Variants in ASPSCR1 observed in about 807,000 individuals in gnomAD.
The protein encoded by ASPSCR1 is tether containing UBX domain for GLUT4.
In ASPSCR1, 55 loss-of-function variants were observed where a neutral mutation model predicts 68.9. That is an observed-to-expected ratio of 0.80 (90% CI 0.64 to 1.00). The LOEUF (loss-of-function observed/expected upper bound fraction) is 1.00. Among genes scored for constraint, ASPSCR1 ranks in the 50% least tolerant of loss-of-function variants. ASPSCR1 has a pLI of 0.00. For missense variants in ASPSCR1, 765 were observed against 762.2 expected (o/e 1.00, Z -0.04); for synonymous variants, 352 against 332.6 (o/e 1.06, Z -0.63).
intron 7 of ASPSCR1, among the ~76,000 whole-genome samples, chr17:82,002,792 A>C (rs980205416): frequency 6.6e-6 from 1 of 152,162 alleles, no homozygotes; most frequent in Non-Finnish European, 1.5e-5. Flanking sequence ...TCCTGACCTC[A>C]GGTGATCTGC....
chr17:81,977,827 C>CCA lies in ASPSCR1; in HGVS notation c.102+80_102+81insAC, dbSNP rs1376889611. Reference sequence around the variant, plus strand: ...AGGCCCCGCCCATTGCGGTCGGCGTCCCGGTGTTCGGGGGCGGGGCCTCGG... The same window carrying CCA: ...AGGCCCCGCCCATTGCGGTCGGCGTCCACCGGTGTTCGGGGGCGGGGCCTCGG... On this transcript the variant is annotated intron_variant, in intron 1 of 15. Transcript: ENST00000306739. The surrounding 1 kb of genome is among the most constrained non-coding windows in gnomAD (Gnocchi z 5.0). 1 of 1,103,534 alleles carries CCA rather than the reference C, an allele frequency of 9.1e-7. No homozygotes were observed. Among genetic ancestry groups the CCA allele is most frequent in the African/African-American group, 1.6e-5 (1 of 60,790 alleles). The allele number at this position is 1,103,534 out of a possible 1,614,324, so 68.4% of individuals were successfully genotyped here.
At chr17:82,008,986 C>T (rs780883351) in intron 7 of ASPSCR1, 51 bp from the exon 8 acceptor site, 87 of 1,440,140 alleles carry the variant, frequency 6.0e-5, no homozygotes, top group African/African-American at 8.7e-5. Context: ...GCCCGGGGTG[C>T]GGAGGGCCCA....
chr17:81,979,338 A>G, intron 2 of ASPSCR1, 99 bp downstream of exon 2: 1 of 1,347,090 alleles, frequency 7.4e-7, no homozygotes, highest in South Asian at 1.2e-5. Flanking sequence ...AGGTGGTTTT[A>G]AACAGTCATA....
At chr17:82,009,284 G>T in intron 8 of ASPSCR1, 93 bp downstream of exon 8, 1 of 1,465,644 alleles carries the variant, frequency 6.8e-7, no homozygotes, top group Non-Finnish European at 9.1e-7. Flanking sequence ...GCCAGCACTG[G>T]CTCCCGGCCC....
intron 12 of ASPSCR1, 51 bp from the exon 13 acceptor site, chr17:82,016,425 G>A: frequency 1.3e-6 from 2 of 1,497,668 alleles, no homozygotes; most frequent in Non-Finnish European, 1.8e-6. Context: ...CTTCACAGCA[G>A]GGGGGTGCTC....
At position 81,999,559 on chromosome 17, in the gene ASPSCR1, G is replaced by A. The variant is rs1167824801; in HGVS notation, c.933+2713G>A. Among the ~76,000 whole-genome samples, 1 of 151,792 alleles carries A rather than the reference G, an allele frequency of 6.6e-6. No individual in the cohort carries two copies. The highest frequency in any genetic ancestry group is 6.6e-5 in the Admixed American group (1 of 15,230). On this transcript the variant is annotated intron_variant, in intron 7 of 15. Transcript: ENST00000306739. This position sits in a 1 kb window ranked among gnomAD's most constrained non-coding sequence, Gnocchi z 4.4. ...GGAGAATCTCTTGAACCCGGGAGGCGGAGGTTGCAGTGAGCCGAGATCGTG... is the reference window on the plus strand; with the variant it reads ...GGAGAATCTCTTGAACCCGGGAGGCAGAGGTTGCAGTGAGCCGAGATCGTG...
At chr17:82,012,082 A>G (rs1241663871) in intron 11 of ASPSCR1, 149 bp from the exon 12 acceptor site, 6 of 966,372 alleles carry the variant, frequency 6.2e-6, no homozygotes, top group Admixed American at 5.9e-5. Flanking sequence ...GAGTTTCTGC[A>G]GCAGGAGTGT....
At chr17:81,981,814 A>G (rs1478281963) in intron 2 of ASPSCR1, among the ~76,000 whole-genome samples, 55 of 150,456 alleles carry the variant, frequency 3.7e-4, no homozygotes, top group Admixed American at 3.6e-3. Flanking sequence ...AATTACAGGC[A>G]CGTGCCACGC....
intron 11 of ASPSCR1, 102 bp from the exon 12 acceptor site, chr17:82,012,129 C>A: frequency 7.4e-7 from 1 of 1,354,970 alleles, no homozygotes; most frequent in Non-Finnish European, 1.1e-6. Context: ...TCTTCTGCCC[C>A]ACTTGAGGCG....
chr17:81,987,550 G>A lies in ASPSCR1; in HGVS notation c.374+1943G>A, dbSNP rs1020096979. Among the ~76,000 whole-genome samples, 1 of 152,214 alleles carries A rather than the reference G, an allele frequency of 6.6e-6. No homozygotes were observed. Among genetic ancestry groups the A allele is most frequent in the Admixed American group, 6.5e-5 (1 of 15,286 alleles). On this transcript the variant is annotated intron_variant, in intron 4 of 15. Coordinates refer to ENST00000306739, the MANE Select transcript of ASPSCR1 (RefSeq NM_024083.4). This position sits in a 1 kb window ranked among gnomAD's most constrained non-coding sequence, Gnocchi z 5.6. ...CTGTCAGTCCTCAGATGGGGATGGA[G>A]GTAAGGAAATGGCCCAGAGTGGCCT...
At chr17:81,991,397 G>A (rs2042157634) in intron 4 of ASPSCR1, among the ~76,000 whole-genome samples, 1 of 152,208 alleles carries the variant, frequency 6.6e-6, no homozygotes, top group Admixed American at 6.5e-5. Flanking sequence ...CGGGAAAGCT[G>A]GGTGATTTCT....
chr17:82,003,223 ATC>A (rs1328668315), intron 7 of ASPSCR1, among the ~76,000 whole-genome samples: 1 of 152,130 alleles, frequency 6.6e-6, no homozygotes, highest in African/African-American at 2.4e-5. Context: ...AGCTGGGAGG[ATC>A]TCTTGAGCCT....
rs910578139 is a variant in ASPSCR1, at chr17:81,990,945, C to A, written c.375-3876C>A. ...GGCGGGCGAGTCCCGTAGTTTGAAT[C>A]CCACGTCCCGTAAGGACCTAGTTGC... is the stretch of plus-strand genomic sequence containing the variant. On this transcript the variant is annotated intron_variant, in intron 4 of 15. Coordinates refer to ENST00000306739, the MANE Select transcript of ASPSCR1 (RefSeq NM_024083.4). This position sits in a 1 kb window ranked among gnomAD's most constrained non-coding sequence, Gnocchi z 4.1. Among the ~76,000 whole-genome samples, 15 of 152,102 alleles carry A rather than the reference C, an allele frequency of 9.9e-5. No homozygotes were observed. The highest frequency in any genetic ancestry group is 1.9e-4 in the East Asian group (1 of 5,180).
chr17:82,011,492 G>A lies in ASPSCR1; in HGVS notation c.1238-51G>A, dbSNP rs747711196. On this transcript the variant is annotated intron_variant, in intron 10 of 15. Transcript: ENST00000306739. ...AGTGGCCCAGGTGCTGGGGCAGCCCGGGGCTGGCGTGGTGGAAGAGCTGTC... is the reference window on the plus strand; with the variant it reads ...AGTGGCCCAGGTGCTGGGGCAGCCCAGGGCTGGCGTGGTGGAAGAGCTGTC... The A allele has an allele frequency of 4.0e-5, 61 of 1,526,136 alleles. No individual in the cohort carries two copies. The Middle Eastern group carries it at 7.0e-4, about 17-fold the overall frequency. 94.5% of individuals were successfully genotyped at this position (1,526,136 alleles called of 1,614,324 possible). A position where few individuals can be genotyped will look rare whatever the true frequency, so the allele number is the denominator to read the frequency against.
chr17:81,984,888 C>A (rs1250142565), intron 3 of ASPSCR1, among the ~76,000 whole-genome samples: 2 of 110,632 alleles, frequency 1.8e-5, no homozygotes, highest in African/African-American at 3.6e-5. Flanking sequence ...ACACACCCCC[C>A]ACACACACCC....
At chr17:82,006,737 TC>T (rs1428639428) in intron 7 of ASPSCR1, 1 of 152,284 alleles carries the variant, frequency 6.6e-6, no homozygotes, top group African/African-American at 2.4e-5. Flanking sequence ...GTCGCTTTTT[TC>T]CCTCACAGTG....
At position 81,996,668 on chromosome 17, in the gene ASPSCR1, T is replaced by A. The variant is rs8074498; in HGVS notation, c.755T>A (p.Leu252Gln). The A allele has an allele frequency of 0.54, 875,919 of 1,612,170 alleles. 245,166 individuals carry two copies. The highest frequency in any genetic ancestry group is 0.58 in the Non-Finnish European group (686,188 of 1,179,388). ...FVPFSGGGQRLGGPPGPTRPL... is the reference protein window; with the variant it reads ...FVPFSGGGQRQGGPPGPTRPL... ...CCTTTCTCGGGTGGGGGACAGAGACTGGGGGGCCCTCCTGGGCCCACGAGG... is the reference window on the plus strand; with the variant it reads ...CCTTTCTCGGGTGGGGGACAGAGACAGGGGGGCCCTCCTGGGCCCACGAGG... Residue 252 changes from leucine to glutamine, a missense_variant, in exon 7 of 16, where the codon CTG becomes CAG. By Grantham distance (113) the Leu-to-Gln change is moderately radical. Transcript: ENST00000306739.
At chr17:82,014,954 G>C (rs2043071875) in intron 12 of ASPSCR1, 2 of 1,222,430 alleles carry the variant, frequency 1.6e-6, no homozygotes, top group Non-Finnish European at 2.2e-6. Flanking sequence ...GGCAGGGGCA[G>C]CCTGAGACAT....
chr17:81,995,419 G>A (rs969294256), intron 5 of ASPSCR1: 3 of 212,424 alleles, frequency 1.4e-5, no homozygotes, highest in African/African-American at 2.3e-5. Flanking sequence ...GATGAGCCAC[G>A]GGGCTCAGGA....
Sources: allele counts gnomAD v4.1 joint callset (sites outside exome capture counted in the v4.1 genomes callset), GRCh38; gene constraint gnomAD v4.1.1; non-coding constraint Gnocchi (gnomAD v3.1); transcripts MANE v1.5; gene names NCBI Gene and HGNC (gene_info 2026-07-23, HGNC 2026-07-21).